Variants in OSBPL9 observed in about 807,000 individuals in gnomAD.
OSBPL9 encodes oxysterol binding protein like 9, also known as oxysterol-binding protein-related protein 9.
OSBPL9 carries 40 observed loss-of-function variants against 106.6 expected under a neutral mutation model. The observed-to-expected ratio is 0.38, with a 90% CI of 0.29 to 0.49. The LOEUF (loss-of-function observed/expected upper bound fraction) is 0.49, where lower values mean the gene tolerates loss of function less well. OSBPL9 is among the 20% of genes least tolerant of loss of function. The pLI, the probability that OSBPL9 is intolerant of heterozygous loss-of-function variation, is 0.97. For synonymous variants in OSBPL9, 269 were observed against 295.4 expected, an observed-to-expected ratio of 0.91 and a Z score of 0.92; for missense variants, 609 against 887.2, an observed-to-expected ratio of 0.69 and a Z score of 3.98.
At position 51,765,807 on chromosome 1, in the gene OSBPL9, C is replaced by G; in HGVS notation, c.779-15C>G. The G allele has an allele frequency of 6.3e-7, 1 of 1,595,356 alleles. No individual in the cohort carries two copies. The highest frequency in any genetic ancestry group is 8.5e-7 in the Non-Finnish European group (1 of 1,172,910). On this transcript the variant is annotated splice_polypyrimidine_tract_variant and intron_variant, in intron 11 of 23. Coordinates refer to ENST00000428468, the MANE Select transcript of OSBPL9 (RefSeq NM_024586.6). ...TTCACCAATATTTTTCTCTAAAACCCTTTTAACTTCCTAGGCAGTGGCCAT... is the reference window on the plus strand; with the variant it reads ...TTCACCAATATTTTTCTCTAAAACCGTTTTAACTTCCTAGGCAGTGGCCAT...
the OSBPL9 span, among the ~76,000 whole-genome samples, chr1:51,521,943 GACAGGGTTTC>G: frequency 1.3e-5 from 2 of 151,748 alleles, no homozygotes; most frequent in Non-Finnish European, 2.9e-5. Flanking sequence ...TTCTAGTAGA[GACAGGGTTTC>G]ACCGTGTTGG....
intron 10 of OSBPL9, among the ~76,000 whole-genome samples, chr1:51,761,357 C>T (rs1671464713): frequency 6.6e-6 from 1 of 151,248 alleles, no homozygotes; most frequent in Admixed American, 6.6e-5. Flanking sequence ...TCCTTTTGCC[C>T]TTTTGTTATA....
intron 1 of OSBPL9, among the ~76,000 whole-genome samples, chr1:51,634,396 A>G (rs1645292304): frequency 6.6e-6 from 1 of 152,188 alleles, no homozygotes; most frequent in Non-Finnish European, 1.5e-5. Flanking sequence ...AATATTTAGT[A>G]TTTTGGGTGG....
the OSBPL9 span, among the ~76,000 whole-genome samples, chr1:51,533,364 T>C: frequency 4.0e-5 from 6 of 151,634 alleles, no homozygotes; most frequent in African/African-American, 1.5e-4. Context: ...TGCATGCCTG[T>C]AGTCCCAGCT....
At chr1:51,620,799 G>C (rs548964520) in intron 1 of OSBPL9, among the ~76,000 whole-genome samples, 9 of 152,126 alleles carry the variant, frequency 5.9e-5, no homozygotes, top group Admixed American at 1.3e-4. Context: ...TTTCAGTGTT[G>C]TAAGCACTTT....
chr1:51,519,303 G>T, the OSBPL9 span: 1 of 702,364 alleles, frequency 1.4e-6, no homozygotes, highest in Non-Finnish European at 2.0e-6. Flanking sequence ...GGAGGCGGAG[G>T]GAGCGGCCGC....
chr1:51,557,011 A>G, the OSBPL9 span, among the ~76,000 whole-genome samples: 1 of 151,892 alleles, frequency 6.6e-6, no homozygotes, highest in Non-Finnish European at 1.5e-5. Context: ...GGTGATGGAT[A>G]CCCCATTTAC....
the OSBPL9 span, among the ~76,000 whole-genome samples, chr1:51,530,190 AAAC>A: frequency 0.028 from 2,469 of 87,998 alleles, 480 homozygotes; most frequent in African/African-American, 0.047. Flanking sequence ...AAAAAAAAAA[AAAC>A]AAAAAAAAAA....
intron 4 of OSBPL9, among the ~76,000 whole-genome samples, chr1:51,721,434 A>G (rs1203747032): frequency 6.6e-6 from 1 of 152,194 alleles, no homozygotes; most frequent in South Asian, 2.1e-4. Flanking sequence ...CAAAAGAAGT[A>G]TCAGGTATGA....
intron 4 of OSBPL9, among the ~76,000 whole-genome samples, chr1:51,741,079 T>G (rs1233187863): frequency 6.6e-6 from 1 of 152,208 alleles, no homozygotes; most frequent in Non-Finnish European, 1.5e-5. Flanking sequence ...ACTGAAATCA[T>G]TAAGAATTGA....
chr1:51,671,888 G>A (rs192327083), intron 3 of OSBPL9, among the ~76,000 whole-genome samples: 7 of 152,178 alleles, frequency 4.6e-5, no homozygotes. Flanking sequence ...CTGGAATGAC[G>A]TACCCACCCT....
chr1:51,638,778 C>G (rs1645604596), intron 1 of OSBPL9, among the ~76,000 whole-genome samples: 1 of 151,482 alleles, frequency 6.6e-6, no homozygotes, highest in South Asian at 2.1e-4. Context: ...CCACTGCACT[C>G]CAGCCTAGGT....
At chr1:51,520,582 C>T in the OSBPL9 span, among the ~76,000 whole-genome samples, 13 of 152,296 alleles carry the variant, frequency 8.5e-5, no homozygotes, top group African/African-American at 1.7e-4. Context: ...TGTATTTGCC[C>T]GAATTGGTCT....
At chr1:51,585,175 T>TA (rs11381242) in intron 1 of OSBPL9, among the ~76,000 whole-genome samples, 133,699 of 141,112 alleles carry the variant, frequency 0.95, 63,422 homozygotes, top group East Asian at 0.98. Context: ...CCCCATCTCT[T>TA]AAAAAAAAAA....
the OSBPL9 span, chr1:51,518,314 A>C: frequency 6.6e-6 from 1 of 152,474 alleles, no homozygotes; most frequent in Non-Finnish European, 1.5e-5. Context: ...CAACGAGGCA[A>C]GAGGGAAGCT....
intron 1 of OSBPL9, among the ~76,000 whole-genome samples, chr1:51,634,612 T>C (rs2148660646): frequency 6.6e-6 from 1 of 152,294 alleles, no homozygotes; most frequent in Admixed American, 6.5e-5. Context: ...AACTGAAGTT[T>C]TATACCATGC....
chr1:51,582,571 C>G (rs1361853199), intron 1 of OSBPL9, among the ~76,000 whole-genome samples: 1 of 152,110 alleles, frequency 6.6e-6, no homozygotes, highest in East Asian at 1.9e-4. Context: ...CTCAAGTGAT[C>G]CACTCACTTC....
chr1:51,730,916 A>G (rs1038334848), intron 4 of OSBPL9, among the ~76,000 whole-genome samples: 2 of 152,210 alleles, frequency 1.3e-5, no homozygotes, highest in Non-Finnish European at 2.9e-5. Context: ...GAAACTGGAA[A>G]TTCTCACGTA....
chr1:51,659,664 A>G (rs933975200), intron 2 of OSBPL9, among the ~76,000 whole-genome samples: 1 of 152,078 alleles, frequency 6.6e-6, no homozygotes, highest in Non-Finnish European at 1.5e-5. Flanking sequence ...GAAGGCACAA[A>G]TAAATAATAT....
Sources: gnomAD v4.1 joint callset for allele counts (sites outside exome capture counted in the v4.1 genomes callset) on GRCh38, gnomAD v4.1.1 for gene constraint, MANE v1.5 for transcripts, NCBI Gene and HGNC (gene_info 2026-07-23, HGNC 2026-07-21) for gene names.